Variants in S1PR5 observed in about 807,000 individuals in gnomAD.
S1PR5 encodes the protein sphingosine 1-phosphate receptor 5.
For synonymous variants in S1PR5, 307 were observed against 284.7 expected, an observed-to-expected ratio of 1.08 and a Z score of -0.79; for missense variants, 583 against 571.7, an observed-to-expected ratio of 1.02 and a Z score of -0.20.
Position 10,514,297 on chromosome 19 carries a change from G to A in S1PR5, c.715C>T (p.Arg239Trp). Reference sequence around the variant, plus strand: ...AGCGAGCGCGGCTTGCGACGCGCCCGGGTCGAGGTGGTCCCCGCAGTCCCG... The same window carrying A: ...AGCGAGCGCGGCTTGCGACGCGCCCAGGTCGAGGTGGTCCCCGCAGTCCCG... ...RPGTAGTTST[R>W]ARRKPRSLAL... Residue 239 changes from arginine to tryptophan, a missense_variant, in exon 2 of 2, where the codon CGG becomes TGG. Transcript: ENST00000333430. 1 of 1,567,180 alleles carries A rather than the reference G, an allele frequency of 6.4e-7. No homozygotes were observed. Among genetic ancestry groups the A allele is most frequent in the Non-Finnish European group, 8.6e-7 (1 of 1,156,930 alleles).
At position 10,514,918 on chromosome 19, in the gene S1PR5, G is replaced by A. The variant is rs766177652; in HGVS notation, c.94C>T (p.Pro32Ser). 3.3e-5 allele frequency: 53 copies of A among 1,610,070 alleles called. 1 individual carries two copies. The highest frequency in any genetic ancestry group is 4.4e-5 in the Non-Finnish European group (52 of 1,178,820). Residue 32 changes from proline to serine, a missense_variant, in exon 2 of 2, where the codon CCG (proline) becomes TCG (serine). Physicochemically the swap from Pro to Ser is moderately conservative, Grantham distance 74. Transcript: ENST00000333430. Reference sequence around the variant, plus strand: ...GCGTCGGCGCGCAGGCCGGCACCCGGCTGGTAGCGCGCACCGCGGAGCTTG... The same window carrying A: ...GCGTCGGCGCGCAGGCCGGCACCCGACTGGTAGCGCGCACCGCGGAGCTTG... Reference protein sequence around the residue: ...TGKLRGARYQPGAGLRADAVV... With the variant: ...TGKLRGARYQSGAGLRADAVV...
chr19:10,514,360 G>GCT lies in S1PR5; in HGVS notation c.651_652insAG (p.Gln218SerfsTer85). 3.2e-6 allele frequency: 5 copies of GCT among 1,581,832 alleles called. No homozygotes were observed. Among genetic ancestry groups the GCT allele is most frequent in the Non-Finnish European group, 4.3e-6 (5 of 1,165,768 alleles). On this transcript the variant is annotated frameshift_variant, in exon 2 of 2. Coordinates refer to ENST00000333430, the MANE Select transcript of S1PR5 (RefSeq NM_030760.5). LOFTEE classifies it low-confidence loss of function (END_TRUNC). ...AGGCGCCGCGCGTTGGCGCGTACCT[G>GCT]GCAGTAGATGCGCGCGTAGAGTGCA... is the stretch of plus-strand genomic sequence containing the variant.
At position 10,514,944 on chromosome 19, in the gene S1PR5, C is replaced by A. The variant is rs560472766; in HGVS notation, c.68G>T (p.Gly23Val). ...CTGGTAGCGCGCACCGCGGAGCTTG[C>A]CGGTGTAGTTGTAATGCAGGACGAT... ...EVIVLHYNYT[G>V]KLRGARYQPG... is the part of the protein sequence containing the mutation. The change falls in exon 2 of 2, where the codon GGC becomes GTC. Residue 23 changes from glycine (G) to valine (V), a missense_variant. Physicochemically the swap from Gly to Val is moderately radical, Grantham distance 109. Coordinates refer to ENST00000333430, the MANE Select transcript of S1PR5 (RefSeq NM_030760.5). 7.5e-6 allele frequency: 12 copies of A among 1,606,162 alleles called. No individual in the cohort carries two copies. In the Admixed American group the frequency reaches 1.5e-4, roughly 20 times the overall value.
Position 10,514,887 on chromosome 19 carries a change from A to G in S1PR5, c.125T>C (p.Val42Ala). The G allele has an allele frequency of 6.2e-7, 1 of 1,611,882 alleles. No homozygotes were observed. Among genetic ancestry groups the G allele is most frequent in the East Asian group, 2.2e-5 (1 of 44,832 alleles). Residue 42 changes from valine (V) to alanine (A), a missense_variant, in exon 2 of 2, where the codon GTG (valine) becomes GCG (alanine). Coordinates refer to ENST00000333430, the MANE Select transcript of S1PR5 (RefSeq NM_030760.5). ...PGAGLRADAV[V>A]CLAVCAFIVL... ...GATGAAGGCGCACACCGCCAGGCAC[A>G]CCACGGCGTCGGCGCGCAGGCCGGC...
rs1250684896 is a variant in S1PR5, at chr19:10,514,838, C to A, written c.174G>T (p.Leu58Phe). 2 of 1,613,022 alleles carry A rather than the reference C, an allele frequency of 1.2e-6. No homozygotes were observed. Among genetic ancestry groups the A allele is most frequent in the East Asian group, 2.2e-5 (1 of 44,882 alleles). ...AGCGCGGGTGGCGTCCGAGCACCAACAACACGGCTAGATTCTCTAGCACGA... is the reference window on the plus strand; with the variant it reads ...AGCGCGGGTGGCGTCCGAGCACCAAAAACACGGCTAGATTCTCTAGCACGA... The part of the protein sequence containing the change: ...AFIVLENLAV[L>F]LVLGRHPRFH... The change falls in exon 2 of 2, where the codon TTG becomes TTT. Residue 58 changes from leucine to phenylalanine, a missense_variant. Coordinates refer to ENST00000333430, the MANE Select transcript of S1PR5 (RefSeq NM_030760.5).
At position 10,513,223 on chromosome 19, in the gene S1PR5, T is replaced by G. The variant is rs1568405681; in HGVS notation, c.*592A>C. On this transcript the variant is annotated 3_prime_UTR_variant, in exon 2 of 2. Transcript: ENST00000333430. Reference sequence around the variant, plus strand: ...CATGGAGGCCACAAGACACCTGTGATCACCTGAATTAGGGCAAGTCCCTCT... The same window carrying G: ...CATGGAGGCCACAAGACACCTGTGAGCACCTGAATTAGGGCAAGTCCCTCT... 5.9e-6 allele frequency: 1 copy of G among 170,820 alleles called. No individual in the cohort carries two copies. The highest frequency in any genetic ancestry group is 2.4e-5 in the African/African-American group (1 of 42,302). 10.6% of individuals were successfully genotyped at this position (170,820 alleles called of 1,614,324 possible).
At chr19:10,516,869 C>A (rs774899143) in intron 1 of S1PR5, among the ~76,000 whole-genome samples, 1 of 152,132 alleles carries the variant, frequency 6.6e-6, no homozygotes, top group Non-Finnish European at 1.5e-5. Context: ...CATGCTCCCA[C>A]ACAAACATCC....
At chr19:10,515,739 G>C (rs1915424264) in intron 1 of S1PR5, among the ~76,000 whole-genome samples, 1 of 151,982 alleles carries the variant, frequency 6.6e-6, no homozygotes, top group Non-Finnish European at 1.5e-5. Context: ...GATTAGCCTG[G>C]ACAACATAGG....
At chr19:10,516,607 CAAAAAAAAAAA>C (rs113615794) in intron 1 of S1PR5, among the ~76,000 whole-genome samples, 16 of 91,824 alleles carry the variant, frequency 1.7e-4, no homozygotes, top group Non-Finnish European at 2.7e-4. Context: ...AACTCCGTCT[CAAAAAAAAAAA>C]AAAAAAAAAA....
Position 10,514,898 on chromosome 19 carries a change from G to C in S1PR5, c.114C>G (p.Ala38=), listed in dbSNP as rs1184574402. 1 of 1,611,380 alleles carries C rather than the reference G, an allele frequency of 6.2e-7. No homozygotes were observed. Residue 38 remains alanine (A), a synonymous_variant, in exon 2 of 2, where the codon GCC becomes GCG. Coordinates refer to ENST00000333430, the MANE Select transcript of S1PR5 (RefSeq NM_030760.5). The part of the protein sequence containing the change: ...ARYQPGAGLR[A]DAVVCLAVCA... ...ACACCGCCAGGCACACCACGGCGTC[G>C]GCGCGCAGGCCGGCACCCGGCTGGT...
chr19:10,517,601 C>T (rs866637447), upstream of S1PR5: 4 of 985,170 alleles, frequency 4.1e-6, no homozygotes, highest in South Asian at 1.9e-4. Context: ...GCCGCGGCAC[C>T]GGAGCGCGCC....
At chr19:10,516,210 C>T (rs939997169) in intron 1 of S1PR5, among the ~76,000 whole-genome samples, 6 of 152,182 alleles carry the variant, frequency 3.9e-5, no homozygotes, top group African/African-American at 1.2e-4. Flanking sequence ...CCTCCACTCA[C>T]ACTAGCCTGG....
rs953095749 is a variant in S1PR5, at chr19:10,517,297, G to C, written c.-19+101C>G. 3.5e-6 allele frequency: 3 copies of C among 869,230 alleles called. No individual in the cohort carries two copies. The Admixed American group carries it at 1.9e-4, about 54-fold the overall frequency. 53.8% of individuals were successfully genotyped at this position (869,230 alleles called of 1,614,324 possible). ...AAAAGTTCGGAGAACTCCCTGCAAG[G>C]AGTGGTGCGCCTTTTTAGACCGGGA... On this transcript the variant is annotated intron_variant, in intron 1 of 1. Coordinates refer to ENST00000333430, the MANE Select transcript of S1PR5 (RefSeq NM_030760.5).
chr19:10,514,815 C>T lies in S1PR5; in HGVS notation c.197G>A (p.Arg66His). 6.2e-7 allele frequency: 1 copy of T among 1,612,966 alleles called. No individual in the cohort carries two copies. Among genetic ancestry groups the T allele is most frequent in the Non-Finnish European group, 8.5e-7 (1 of 1,179,692 alleles). ...GAGCAGGAACATGGGAGCGTGGAAG[C>T]GCGGGTGGCGTCCGAGCACCAACAA... ...AVLLVLGRHPRFHAPMFLLLG... is the reference protein window; with the variant it reads ...AVLLVLGRHPHFHAPMFLLLG... The change falls in exon 2 of 2, where the codon CGC becomes CAC. Residue 66 changes from arginine to histidine, a missense_variant. By Grantham distance (29) the Arg-to-His change is conservative. Coordinates refer to ENST00000333430, the MANE Select transcript of S1PR5 (RefSeq NM_030760.5).
chr19:10,516,629 A>T (rs1199183075), intron 1 of S1PR5, among the ~76,000 whole-genome samples: 1 of 138,546 alleles, frequency 7.2e-6, no homozygotes. Flanking sequence ...AAAAAAAAAA[A>T]GTTGATCCTA....
rs769870996 is a variant in S1PR5 at position 10,514,982 on chromosome 19, C to T, written c.30G>A (p.Pro10=). 2.3e-5 allele frequency: 37 copies of T among 1,576,810 alleles called. No homozygotes were observed. Among genetic ancestry groups the T allele is most frequent in the Non-Finnish European group, 2.9e-5 (34 of 1,165,406 alleles). ...AATGCAGGACGATGACCTCGCTCAC[C>T]GGCGCCGGCCGCAGCAGCCCCGACT... MESGLLRPA[P]VSEVIVLHYN... is the part of the protein sequence containing the mutation. The change falls in exon 2 of 2, where the codon CCG becomes CCA. Residue 10 remains proline (P), a synonymous_variant. Coordinates refer to ENST00000333430, the MANE Select transcript of S1PR5 (RefSeq NM_030760.5).
At position 10,514,327 on chromosome 19, in the gene S1PR5, G is replaced by T; in HGVS notation, c.685C>A (p.Arg229=). Residue 229 remains arginine (R), a synonymous_variant, in exon 2 of 2, where the codon CGG becomes AGG. Transcript: ENST00000333430. The part of the protein sequence containing the change: ...VRANARRLPA[R]PGTAGTTSTR... ...GAGGTGGTCCCCGCAGTCCCGGGCC[G>T]TGCCGGCAGGCGCCGCGCGTTGGCG... The T allele has an allele frequency of 6.4e-7, 1 of 1,563,976 alleles. No homozygotes were observed. Among genetic ancestry groups the T allele is most frequent in the Non-Finnish European group, 8.7e-7 (1 of 1,155,878 alleles).
At position 10,513,881 on chromosome 19, in the gene S1PR5, G is replaced by C. The variant is rs750549348; in HGVS notation, c.1131C>G (p.Gly377=). 1.9e-6 allele frequency: 3 copies of C among 1,611,600 alleles called. No individual in the cohort carries two copies. The South Asian group carries it at 3.3e-5, about 18-fold the overall frequency. ...SPQRDGLDTS[G]STGSPGAPTA... is the part of the protein sequence containing the mutation. ...TGGGTGCACCGGGGCTGCCTGTGGA[G>C]CCGCTGGTGTCCAGCCCGTCGCGCT... Residue 377 remains glycine, a synonymous_variant, in exon 2 of 2, where the codon GGC becomes GGG. Transcript: ENST00000333430.
At chr19:10,517,312 T>C (rs1915462080) in intron 1 of S1PR5, 86 bp downstream of exon 1, 2 of 949,578 alleles carry the variant, frequency 2.1e-6, no homozygotes, top group East Asian at 1.2e-4. Context: ...GTGCGCCTTT[T>C]TAGACCGGGA....
Sources: gnomAD v4.1 joint callset for allele counts (sites outside exome capture counted in the v4.1 genomes callset) on GRCh38, gnomAD v4.1.1 for gene constraint, MANE v1.5 for transcripts, NCBI Gene and HGNC (gene_info 2026-07-23, HGNC 2026-07-21) for gene names.